Variants in MCF2L2 observed in about 807,000 individuals in gnomAD.
The protein encoded by MCF2L2 is probable guanine nucleotide exchange factor MCF2L2.
Under a neutral mutation model 150.2 loss-of-function variants are expected in MCF2L2, and 102 were observed. The observed-to-expected ratio is 0.68, with a 90% CI of 0.58 to 0.80. The LOEUF is 0.80. Among genes scored for constraint, MCF2L2 ranks in the 30% least tolerant of loss-of-function variants. The pLI is 0.00. For synonymous variants in MCF2L2, 465 were observed against 491.3 expected (o/e 0.95, Z 0.71); for missense variants, 1,256 against 1,372.8 (o/e 0.91, Z 1.34).
At position 183,270,016 on chromosome 3, in the gene MCF2L2, A is replaced by T. The variant is rs571530926; in HGVS notation, c.1862+6856T>A. 2 of 1,614,142 alleles carry T rather than the reference A, an allele frequency of 1.2e-6. No homozygotes were observed. The highest frequency in any genetic ancestry group is 2.2e-5 in the East Asian group (1 of 44,872). On this transcript the variant is annotated intron_variant, in intron 15 of 29. Coordinates refer to ENST00000328913, the MANE Select transcript of MCF2L2 (RefSeq NM_015078.4). This position sits in a 1 kb window ranked among gnomAD's most constrained non-coding sequence, Gnocchi z 4.5. The stretch of plus-strand genomic sequence containing the variant: ...AAGCACACCTCAGCGGGGCCTCGCT[A>T]CCAATACTTGATTAACCACAAGGAA...
chr3:183,187,002 A>T (rs1293560462), intron 27 of MCF2L2, among the ~76,000 whole-genome samples: 1 of 152,264 alleles, frequency 6.6e-6, no homozygotes, highest in Non-Finnish European at 1.5e-5. Flanking sequence ...TAATAATCAG[A>T]AAAGGAAACT....
chr3:183,245,158 T>C (rs930152484), intron 15 of MCF2L2, among the ~76,000 whole-genome samples: 1 of 152,224 alleles, frequency 6.6e-6, no homozygotes, highest in Non-Finnish European at 1.5e-5. Flanking sequence ...TAATGGCCCC[T>C]GCTTTTCACA....
At chr3:183,351,400 G>T (rs1408336509) in intron 3 of MCF2L2, among the ~76,000 whole-genome samples, 1 of 151,252 alleles carries the variant, frequency 6.6e-6, no homozygotes, top group Non-Finnish European at 1.5e-5. Context: ...GGTAAGCAAG[G>T]TATAGAAAAT....
intron 10 of MCF2L2, among the ~76,000 whole-genome samples, chr3:183,309,374 G>T (rs1729255691): frequency 6.6e-6 from 1 of 152,066 alleles, no homozygotes; most frequent in Non-Finnish European, 1.5e-5. Flanking sequence ...GCTGATGGGT[G>T]AGCCTCTGAT....
chr3:183,208,151 CTA>C (rs1455494575), intron 22 of MCF2L2, among the ~76,000 whole-genome samples: 3 of 152,174 alleles, frequency 2.0e-5, no homozygotes. Context: ...TTCCTCTGTG[CTA>C]TGTTTGATAC....
intron 27 of MCF2L2, among the ~76,000 whole-genome samples, chr3:183,184,819 G>A (rs186589051): frequency 2.6e-5 from 4 of 152,248 alleles, no homozygotes; most frequent in Admixed American, 2.6e-4. Flanking sequence ...AGATCCTGCT[G>A]GTTCAGCGGT....
At chr3:183,400,520 C>T (rs777791155) in intron 1 of MCF2L2, 4 of 455,618 alleles carry the variant, frequency 8.8e-6, no homozygotes, top group South Asian at 4.7e-5. Flanking sequence ...CGCCACCTCG[C>T]TCGCTCTCCA....
intron 15 of MCF2L2, among the ~76,000 whole-genome samples, chr3:183,250,552 A>C (rs574358538): frequency 6.6e-6 from 1 of 151,578 alleles, no homozygotes; most frequent in East Asian, 1.9e-4. Flanking sequence ...GTGCCACTGC[A>C]CTCCAGCCTG....
chr3:183,370,753 T>C (rs1271656131), intron 3 of MCF2L2, among the ~76,000 whole-genome samples: 1 of 84,934 alleles, frequency 1.2e-5, no homozygotes, highest in Non-Finnish European at 2.0e-5. Context: ...TTCCTGCCCT[T>C]TACTACAATT....
intron 25 of MCF2L2, among the ~76,000 whole-genome samples, chr3:183,202,625 T>C (rs550582851): frequency 3.3e-5 from 5 of 152,342 alleles, no homozygotes; most frequent in African/African-American, 1.2e-4. Flanking sequence ...CTTTCAGGTG[T>C]TTAAAGAAAT....
chr3:183,358,831 C>T (rs1415602290), intron 3 of MCF2L2, among the ~76,000 whole-genome samples: 3 of 151,956 alleles, frequency 2.0e-5, no homozygotes, highest in Non-Finnish European at 4.4e-5. Flanking sequence ...TGCCGTGTTG[C>T]CCAGGCAGGT....
intron 14 of MCF2L2, among the ~76,000 whole-genome samples, chr3:183,287,204 A>G (rs1182371478): frequency 6.6e-6 from 1 of 152,240 alleles, no homozygotes; most frequent in Non-Finnish European, 1.5e-5. Flanking sequence ...TACTGTTCAC[A>G]ATTATTGAAA....
At chr3:183,407,478 T>C (rs1042758949) in intron 1 of MCF2L2, among the ~76,000 whole-genome samples, 4 of 152,252 alleles carry the variant, frequency 2.6e-5, no homozygotes, top group Non-Finnish European at 4.4e-5. Context: ...ACCTTAAATA[T>C]GGATGATATG....
chr3:183,323,175 C>T (rs1464953581), intron 6 of MCF2L2, 60 bp downstream of exon 6: 1 of 1,240,742 alleles, frequency 8.1e-7, no homozygotes, highest in Non-Finnish European at 1.2e-6. Flanking sequence ...TTAACTCCCC[C>T]ACCCCATCTT....
intron 15 of MCF2L2, among the ~76,000 whole-genome samples, chr3:183,262,220 A>G (rs1725672103): frequency 1.3e-5 from 2 of 150,656 alleles, no homozygotes; most frequent in East Asian, 1.9e-4. Flanking sequence ...ATGATACTTT[A>G]TTATATACAC....
intron 15 of MCF2L2, among the ~76,000 whole-genome samples, chr3:183,252,994 G>A (rs1308518820): frequency 6.6e-6 from 1 of 152,216 alleles, no homozygotes; most frequent in Non-Finnish European, 1.5e-5. Context: ...ATAGCTCAAA[G>A]AGGACATTCA....
chr3:183,313,541 G>A (rs116735552), intron 7 of MCF2L2, among the ~76,000 whole-genome samples: 168 of 152,304 alleles, frequency 1.1e-3, no homozygotes, highest in African/African-American at 3.8e-3. Flanking sequence ...CTTGAGTAGG[G>A]TTACAAAAAT....
At chr3:183,240,870 C>T (rs931836009) in intron 15 of MCF2L2, among the ~76,000 whole-genome samples, 5 of 152,366 alleles carry the variant, frequency 3.3e-5, no homozygotes, top group South Asian at 2.1e-4. Flanking sequence ...AAAACTCCAA[C>T]AGCTTCAGCT....
At chr3:183,425,192 G>GT (rs143807128) in intron 1 of MCF2L2, among the ~76,000 whole-genome samples, 19,958 of 152,130 alleles carry the variant, frequency 0.13, 1,430 homozygotes, top group Non-Finnish European at 0.17. Context: ...GCTGCGAGGT[G>GT]TTTCTGAAAC....
Sources: allele counts gnomAD v4.1 joint callset (sites outside exome capture counted in the v4.1 genomes callset), GRCh38; gene constraint gnomAD v4.1.1; non-coding constraint Gnocchi (gnomAD v3.1); transcripts MANE v1.5; gene names NCBI Gene and HGNC (gene_info 2026-07-23, HGNC 2026-07-21).